EPHA3: variants seen among roughly 807,000 people sequenced by gnomAD.
The protein encoded by EPHA3 is ephrin type-A receptor 3.
EPHA3 carries 42 observed loss-of-function variants against 107.1 expected under a neutral mutation model. The ratio of observed to expected loss-of-function variants is 0.39; its 90% confidence interval spans 0.31 to 0.51. The LOEUF (loss-of-function observed/expected upper bound fraction) is 0.51. Ranked by LOEUF, EPHA3 falls within the 20% of genes least tolerant of loss-of-function variation. The pLI is 0.78. For synonymous variants in EPHA3, 461 were observed against 424.8 expected (o/e 1.09, Z -1.05); for missense variants, 1,183 against 1,211.2 (o/e 0.98, Z 0.35).
chr3:89,338,564 G>A (rs556566481), intron 3 of EPHA3, among the ~76,000 whole-genome samples: 58 of 152,258 alleles, frequency 3.8e-4, no homozygotes, highest in Non-Finnish European at 8.1e-4. Context: ...TTATTTATTT[G>A]TTGAGACGGA....
intron 3 of EPHA3, among the ~76,000 whole-genome samples, chr3:89,318,449 T>A (rs1295453343): frequency 6.6e-6 from 1 of 152,042 alleles, no homozygotes; most frequent in Admixed American, 6.6e-5. Context: ...CTGGCTACTT[T>A]CAAATTCTTT....
At chr3:89,131,635 T>C (rs1704209511) in intron 2 of EPHA3, among the ~76,000 whole-genome samples, 1 of 152,148 alleles carries the variant, frequency 6.6e-6, no homozygotes, top group African/African-American at 2.4e-5. Context: ...CTCACTTAAT[T>C]AAAGAAACTC....
intron 3 of EPHA3, among the ~76,000 whole-genome samples, chr3:89,242,752 T>G (rs1000703771): frequency 2.9e-5 from 4 of 139,612 alleles, no homozygotes; most frequent in African/African-American, 1.1e-4. Context: ...TTTTCTTTCT[T>G]TCTTTTATTT....
chr3:89,384,040 C>T (rs1471913861), intron 5 of EPHA3, among the ~76,000 whole-genome samples: 2 of 152,052 alleles, frequency 1.3e-5, no homozygotes, highest in Non-Finnish European at 2.9e-5. Context: ...CAGCCATATA[C>T]TTTCAATAGT....
intron 5 of EPHA3, among the ~76,000 whole-genome samples, chr3:89,369,048 C>T (rs1256762522): frequency 4.0e-5 from 6 of 150,370 alleles, no homozygotes; most frequent in Non-Finnish European, 6.0e-5. Context: ...TCTTAGTCAT[C>T]GTTTTCTCTG....
Position 89,297,015 on chromosome 3 carries a change from A to T in EPHA3, c.815-43901A>T, listed in dbSNP as rs147432382. On this transcript the variant is annotated intron_variant, in intron 3 of 16. Coordinates refer to ENST00000336596, the MANE Select transcript of EPHA3 (RefSeq NM_005233.6). ...TTTCTCACTTCTCCAACTTTCATAG[A>T]ATTGAAGAATGTTAGGACACTGCTC... is the stretch of plus-strand genomic sequence containing the variant. Among the ~76,000 whole-genome samples the T allele has an allele frequency of 2.7e-4, 41 of 152,288 alleles. 2 individuals carry two copies. In the East Asian group the frequency reaches 7.5e-3, roughly 28 times the overall value.
At chr3:89,200,673 G>T (rs1331543229) in intron 2 of EPHA3, among the ~76,000 whole-genome samples, 1 of 152,206 alleles carries the variant, frequency 6.6e-6, no homozygotes, top group Non-Finnish European at 1.5e-5. Flanking sequence ...GAATAAGGTA[G>T]TTTTGTCCAA....
intron 7 of EPHA3, among the ~76,000 whole-genome samples, chr3:89,404,074 G>A (rs190129641): frequency 2.1e-4 from 32 of 152,058 alleles, no homozygotes; most frequent in Non-Finnish European, 1.0e-4. Flanking sequence ...TTAAATTAGC[G>A]CTCCCGAAAG....
At chr3:89,156,891 G>GAA (rs549100642) in intron 2 of EPHA3, among the ~76,000 whole-genome samples, 1 of 146,928 alleles carries the variant, frequency 6.8e-6, no homozygotes, top group African/African-American at 2.5e-5. Context: ...TTTTTTTTTG[G>GAA]AAAAAAAAAT....
At chr3:89,299,574 A>G (rs567379847) in intron 3 of EPHA3, among the ~76,000 whole-genome samples, 1 of 152,160 alleles carries the variant, frequency 6.6e-6, no homozygotes, top group South Asian at 2.1e-4. Flanking sequence ...TACATGGAAT[A>G]CTTCATTTAA....
chr3:89,387,352 G>A (rs114809070), intron 5 of EPHA3, among the ~76,000 whole-genome samples: 4,764 of 152,186 alleles, frequency 0.031, 246 homozygotes, highest in African/African-American at 0.11. Flanking sequence ...TGATAGTTTT[G>A]TAAGGGCTTC....
intron 3 of EPHA3, among the ~76,000 whole-genome samples, chr3:89,327,803 G>A (rs1707198343): frequency 6.6e-6 from 1 of 151,866 alleles, no homozygotes; most frequent in African/African-American, 2.4e-5. Context: ...ACATAGTAGG[G>A]CGTTATATCT....
chr3:89,168,320 C>T (rs1705126735), intron 2 of EPHA3, among the ~76,000 whole-genome samples: 1 of 152,036 alleles, frequency 6.6e-6, no homozygotes, highest in Non-Finnish European at 1.5e-5. Context: ...AAGCAGATAA[C>T]TTTGACAACT....
intron 3 of EPHA3, among the ~76,000 whole-genome samples, chr3:89,277,043 A>T (rs1426732789): frequency 6.6e-6 from 1 of 152,112 alleles, no homozygotes; most frequent in Non-Finnish European, 1.5e-5. Flanking sequence ...CTCCCCAATG[A>T]AAAGCTAAAT....
intron 16 of EPHA3, among the ~76,000 whole-genome samples, chr3:89,476,061 G>A (rs1042296125): frequency 2.7e-5 from 4 of 147,268 alleles, no homozygotes; most frequent in African/African-American, 7.4e-5. Flanking sequence ...ATAATCATTT[G>A]CATTAAGTAA....
At chr3:89,453,980 C>CT (rs931578013) in intron 15 of EPHA3, among the ~76,000 whole-genome samples, 4 of 152,028 alleles carry the variant, frequency 2.6e-5, no homozygotes, top group East Asian at 1.9e-4. Context: ...TATCCAGGCT[C>CT]TTTTTTTCTG....
intron 5 of EPHA3, among the ~76,000 whole-genome samples, chr3:89,381,992 G>A (rs977375270): frequency 6.6e-6 from 1 of 151,968 alleles, no homozygotes; most frequent in Admixed American, 6.6e-5. Context: ...AAGAACTCTG[G>A]GTTTAAAGAG....
At chr3:89,127,667 C>G (rs1704121756) in intron 2 of EPHA3, among the ~76,000 whole-genome samples, 1 of 151,870 alleles carries the variant, frequency 6.6e-6, no homozygotes, top group South Asian at 2.1e-4. Context: ...TAAAATCAAC[C>G]TCAGTAACTG....
intron 16 of EPHA3, among the ~76,000 whole-genome samples, chr3:89,475,081 C>T (rs1002150888): frequency 6.6e-6 from 1 of 152,138 alleles, no homozygotes; most frequent in Non-Finnish European, 1.5e-5. Flanking sequence ...AAAGGAGCTG[C>T]TTTTTTCCTT....
Sources: gnomAD v4.1 joint callset for allele counts (sites outside exome capture counted in the v4.1 genomes callset) on GRCh38, gnomAD v4.1.1 for gene constraint, MANE v1.5 for transcripts, NCBI Gene and HGNC (gene_info 2026-07-23, HGNC 2026-07-21) for gene names.